The following DARS1 variants were observed in gnomAD, a reference collection of about 807,000 sequenced individuals.
DARS1 encodes the protein aspartate--tRNA ligase, cytoplasmic.
A neutral mutation model predicts 68.8 loss-of-function variants in DARS1; 51 were observed. The observed-to-expected ratio is 0.74, with a 90% CI of 0.59 to 0.94. The LOEUF (loss-of-function observed/expected upper bound fraction) is 0.94, where lower values mean the gene tolerates loss of function less well. Among genes scored for constraint, DARS1 ranks in the 40% least tolerant of loss-of-function variants. DARS1 has a pLI of 0.00. For missense variants in DARS1, 607 were observed against 597.3 expected, an observed-to-expected ratio of 1.02 and a Z score of -0.17; for synonymous variants, 203 against 190.4, an observed-to-expected ratio of 1.07 and a Z score of -0.55.
At chr2:135,934,122 A>G in intron 5 of DARS1, 132 bp from the exon 6 acceptor site, 1 of 1,393,908 alleles carries the variant, frequency 7.2e-7, no homozygotes, top group South Asian at 1.7e-5. Flanking sequence ...TACTTGCTGA[A>G]ATCAAACAAG....
chr2:135,943,200 G>A (rs1374398931), intron 5 of DARS1, 178 bp downstream of exon 5: 9 of 849,534 alleles, frequency 1.1e-5, no homozygotes, highest in South Asian at 2.4e-5. Context: ...AATGTTTGTT[G>A]TTTCAAGTCA....
At chr2:135,974,843 T>C (rs1221276771) in intron 3 of DARS1, among the ~76,000 whole-genome samples, 1 of 152,198 alleles carries the variant, frequency 6.6e-6, no homozygotes, top group Non-Finnish European at 1.5e-5. Context: ...TTTGTTCTTT[T>C]TTAATAAAAT....
intron 3 of DARS1, among the ~76,000 whole-genome samples, chr2:135,977,101 C>T (rs1356784824): frequency 1.3e-5 from 2 of 152,152 alleles, no homozygotes; most frequent in Non-Finnish European, 2.9e-5. Flanking sequence ...CAAAAAACTA[C>T]GATGGAAGGC....
At position 135,914,525 on chromosome 2, in the gene DARS1, G is replaced by T; in HGVS notation, c.1107-14C>A. 7.3e-7 allele frequency: 1 copy of T among 1,364,740 alleles called. No homozygotes were observed. The highest frequency in any genetic ancestry group is 1.0e-6 in the Non-Finnish European group (1 of 952,454). The allele number at this position is 1,364,740 out of a possible 1,614,324, so 84.5% of individuals were successfully genotyped here. ...TCATTTGGTGTGCTGAAAAAGAAAC[G>T]TGAAATCAGTGTTTGAAGATCAAAT... is the stretch of plus-strand genomic sequence containing the variant. On this transcript the variant is annotated splice_polypyrimidine_tract_variant and intron_variant, in intron 11 of 15. Transcript: ENST00000264161.
At chr2:135,983,506 C>G in intron 1 of DARS1, 52 bp from the exon 2 acceptor site, 2 of 712,550 alleles carry the variant, frequency 2.8e-6, no homozygotes, top group Middle Eastern at 3.4e-4. Context: ...ACTAAGAGCA[C>G]AGTAAACACA....
At chr2:135,924,638 G>A in intron 7 of DARS1, 140 bp from the exon 8 acceptor site, 3 of 1,304,840 alleles carry the variant, frequency 2.3e-6, no homozygotes, top group Non-Finnish European at 3.0e-6. Context: ...AAGACGAAAG[G>A]ACACGAATAA....
chr2:135,974,407 A>C (rs548097929), intron 3 of DARS1, among the ~76,000 whole-genome samples: 55 of 152,364 alleles, frequency 3.6e-4, no homozygotes, highest in African/African-American at 1.3e-3. Flanking sequence ...AATTTCCAAC[A>C]AACACAAAAG....
chr2:135,920,753 C>T (rs964725911), intron 9 of DARS1, among the ~76,000 whole-genome samples, 153 bp from the exon 10 acceptor site: 2 of 152,054 alleles, frequency 1.3e-5, no homozygotes, highest in African/African-American at 4.8e-5. Context: ...TCTGTTTGAG[C>T]ATTATCTTGG....
intron 5 of DARS1, among the ~76,000 whole-genome samples, chr2:135,934,236 T>C (rs1007213614): frequency 6.6e-6 from 1 of 152,178 alleles, no homozygotes; most frequent in Admixed American, 6.5e-5. Flanking sequence ...GTAACATATA[T>C]AAAAATTATT....
rs77177301 is a variant in DARS1, at chr2:135,933,383, G to T, written c.504+527C>A. ...TTATCACAATAGAATGAATGCAGAGGCAATATGAGAATCTAGTTGTCTATT... is the reference window on the plus strand; with the variant it reads ...TTATCACAATAGAATGAATGCAGAGTCAATATGAGAATCTAGTTGTCTATT... On this transcript the variant is annotated intron_variant, in intron 6 of 15. Coordinates refer to ENST00000264161, the MANE Select transcript of DARS1 (RefSeq NM_001349.4). Among the ~76,000 whole-genome samples, 1,171 of 152,282 alleles carry T rather than the reference G, an allele frequency of 7.7e-3. 11 individuals are homozygous for T. Among genetic ancestry groups the T allele is most frequent in the African/African-American group, 0.027 (1,105 of 41,556 alleles).
At chr2:135,951,236 G>T (rs1681832605) in intron 4 of DARS1, among the ~76,000 whole-genome samples, 1 of 152,162 alleles carries the variant, frequency 6.6e-6, no homozygotes, top group Non-Finnish European at 1.5e-5. Context: ...TTTGCTAAAG[G>T]GGCTAGCTTC....
At chr2:135,934,110 ACTACTTG>A in intron 5 of DARS1, 120 bp from the exon 6 acceptor site, 2 of 1,405,676 alleles carry the variant, frequency 1.4e-6, no homozygotes, top group Non-Finnish European at 1.9e-6. Flanking sequence ...TTTAATTGAA[ACTACTTG>A]CTGAAATCAA....
rs75842188 is a variant in DARS1, at chr2:135,963,316, G to A, written c.218-1818C>T. On this transcript the variant is annotated intron_variant, in intron 3 of 15. Coordinates refer to ENST00000264161, the MANE Select transcript of DARS1 (RefSeq NM_001349.4). ...ATGAGGTTTTCTTTCATAATCATAAGGATTTTATAATATGTTTAAAGTTGA... is the reference window on the plus strand; with the variant it reads ...ATGAGGTTTTCTTTCATAATCATAAAGATTTTATAATATGTTTAAAGTTGA... Among the ~76,000 whole-genome samples the A allele has an allele frequency of 7.7e-3, 1,171 of 151,982 alleles. 11 individuals are homozygous for A. The highest frequency in any genetic ancestry group is 0.027 in the African/African-American group (1,105 of 41,418).
intron 10 of DARS1, among the ~76,000 whole-genome samples, chr2:135,917,502 G>T (rs1681030835): frequency 6.6e-6 from 1 of 151,796 alleles, no homozygotes; most frequent in Non-Finnish European, 1.5e-5. Context: ...CTGAGACAGG[G>T]TCCCACTCTG....
chr2:135,912,896 A>T (rs1171494645), intron 12 of DARS1, among the ~76,000 whole-genome samples: 1 of 151,590 alleles, frequency 6.6e-6, no homozygotes, highest in African/African-American at 2.4e-5. Context: ...GCTAATTTTT[A>T]AAATTTTTTG....
At position 135,932,844 on chromosome 2, in the gene DARS1, TAA is replaced by T. The variant is rs34744196; in HGVS notation, c.505-4_505-3del. The T allele has an allele frequency of 0.011, 10,265 of 949,000 alleles. No individual in the cohort carries two copies. Among genetic ancestry groups the T allele is most frequent in the South Asian group, 0.025 (1,521 of 61,168 alleles). The allele number at this position is 949,000 out of a possible 1,614,324, so 58.8% of individuals were successfully genotyped here. On this transcript the variant is annotated splice_region_variant and splice_polypyrimidine_tract_variant and intron_variant, in intron 6 of 15. Coordinates refer to ENST00000264161, the MANE Select transcript of DARS1 (RefSeq NM_001349.4). ...CTGGTTAACAGTAGCTCTTCCTTCC[TAA>T]AAAAAAAAAAAAAGAAAAGAAAAAA...
At chr2:135,927,913 CA>C (rs913554562) in intron 7 of DARS1, among the ~76,000 whole-genome samples, 1 of 152,076 alleles carries the variant, frequency 6.6e-6, no homozygotes, top group African/African-American at 2.4e-5. Context: ...AAGGGAAAAA[CA>C]ATATTCTGCA....
At chr2:135,915,106 A>AT (rs578052635) in intron 11 of DARS1, among the ~76,000 whole-genome samples, 40 of 147,506 alleles carry the variant, frequency 2.7e-4, no homozygotes, top group South Asian at 1.5e-3. Flanking sequence ...ATATATATAT[A>AT]TTTTTTTTTG....
At chr2:135,982,342 C>T (rs1682653894) in intron 2 of DARS1, among the ~76,000 whole-genome samples, 1 of 152,030 alleles carries the variant, frequency 6.6e-6, no homozygotes, top group Admixed American at 6.6e-5. Flanking sequence ...CACCTGTAAT[C>T]CTAGCACTTT....
Sources: allele counts gnomAD v4.1 joint callset (sites outside exome capture counted in the v4.1 genomes callset), GRCh38; gene constraint gnomAD v4.1.1; transcripts MANE v1.5; gene names NCBI Gene and HGNC (gene_info 2026-07-23, HGNC 2026-07-21).